The following LINGO1 variants were observed in gnomAD, a reference collection of about 807,000 sequenced individuals.
LINGO1 encodes the protein leucine-rich repeat and immunoglobulin-like domain-containing nogo receptor-interacting protein 1.
LINGO1 carries 11 observed loss-of-function variants against 37.3 expected under a neutral mutation model. The observed-to-expected ratio is 0.29, with a 90% CI of 0.19 to 0.49. LINGO1 has a LOEUF of 0.49. LINGO1 is among the 20% of genes least tolerant of loss of function. The pLI, the probability that LINGO1 is intolerant of heterozygous loss-of-function variation, is 0.99. For missense variants in LINGO1, 585 were observed against 878.2 expected, an observed-to-expected ratio of 0.67 and a Z score of 4.22; for synonymous variants, 387 against 403.0, an observed-to-expected ratio of 0.96 and a Z score of 0.48.
At chr15:77,784,156 G>T (rs1219769387) in intron 1 of LINGO1, among the ~76,000 whole-genome samples, 3 of 152,262 alleles carry the variant, frequency 2.0e-5, no homozygotes, top group African/African-American at 7.2e-5. Flanking sequence ...GGACTGGCAG[G>T]CCGGGGTCTC....
chr15:77,697,745 G>C (rs1296046546), upstream of LINGO1, among the ~76,000 whole-genome samples: 1 of 152,156 alleles, frequency 6.6e-6, no homozygotes, highest in African/African-American at 2.4e-5. Flanking sequence ...CAGGGTAGTG[G>C]GCATCTGATC....
intron 1 of LINGO1, among the ~76,000 whole-genome samples, chr15:77,629,715 A>C (rs1386703324): frequency 6.6e-6 from 1 of 152,180 alleles, no homozygotes; most frequent in East Asian, 1.9e-4. Flanking sequence ...GCCAGGCAGG[A>C]GGGCAAAAGG....
At chr15:77,675,715 T>C (rs2075316132) in intron 3 of LINGO1, among the ~76,000 whole-genome samples, 1 of 152,036 alleles carries the variant, frequency 6.6e-6, no homozygotes, top group South Asian at 2.1e-4. Context: ...GATAGATAGA[T>C]ACATACATAG....
chr15:77,635,234 T>C (rs1466455151), upstream of LINGO1, among the ~76,000 whole-genome samples: 3 of 152,126 alleles, frequency 2.0e-5, no homozygotes, highest in Non-Finnish European at 4.4e-5. Flanking sequence ...CCCTTTCCCT[T>C]TGTCTCCAAA....
chr15:77,765,320 C>T (rs989294567), intron 1 of LINGO1, among the ~76,000 whole-genome samples: 1 of 151,792 alleles, frequency 6.6e-6, no homozygotes, highest in Admixed American at 6.6e-5. Flanking sequence ...GAGGCTGAGA[C>T]ATGAGAATCG....
chr15:77,628,751 C>G (rs1019477216), intron 1 of LINGO1, among the ~76,000 whole-genome samples: 6 of 152,086 alleles, frequency 3.9e-5, no homozygotes, highest in African/African-American at 1.4e-4. Context: ...CAGGCTGGGC[C>G]TGGATTAGTG....
At chr15:77,731,834 C>T (rs2076157200) in intron 2 of LINGO1, among the ~76,000 whole-genome samples, 1 of 152,188 alleles carries the variant, frequency 6.6e-6, no homozygotes, top group Non-Finnish European at 1.5e-5. Flanking sequence ...ACCCAGCTCC[C>T]TCCTGTCCAG....
intron 1 of LINGO1, among the ~76,000 whole-genome samples, chr15:77,811,470 C>T (rs930866447): frequency 3.9e-5 from 6 of 152,094 alleles, no homozygotes; most frequent in African/African-American, 1.4e-4. Context: ...GGGCTACATC[C>T]GCAGCCTGCC....
At chr15:77,643,157 G>T (rs1176194780) in intron 3 of LINGO1, among the ~76,000 whole-genome samples, 1 of 152,268 alleles carries the variant, frequency 6.6e-6, no homozygotes, top group Non-Finnish European at 1.5e-5. Flanking sequence ...GCTTATCAGG[G>T]TGAGGGCAGC....
intron 1 of LINGO1, among the ~76,000 whole-genome samples, chr15:77,618,015 A>T (rs1489420048): frequency 6.6e-6 from 1 of 152,162 alleles, no homozygotes; most frequent in Non-Finnish European, 1.5e-5. Flanking sequence ...TTCCACAGTC[A>T]CACACGCTCC....
intron 1 of LINGO1, among the ~76,000 whole-genome samples, chr15:77,745,660 C>T (rs547036413): frequency 4.5e-4 from 69 of 152,306 alleles, no homozygotes; most frequent in African/African-American, 1.5e-3. Flanking sequence ...GCGGACGAGA[C>T]CCTGTGCCAA....
intron 1 of LINGO1, among the ~76,000 whole-genome samples, chr15:77,802,669 A>G (rs1257032696): frequency 6.6e-6 from 1 of 152,064 alleles, no homozygotes; most frequent in Non-Finnish European, 1.5e-5. Flanking sequence ...GGAAGCAGGG[A>G]CTGCGGGAAC....
At chr15:77,645,273 G>A (rs535706234) in intron 3 of LINGO1, among the ~76,000 whole-genome samples, 1 of 152,302 alleles carries the variant, frequency 6.6e-6, no homozygotes, top group African/African-American at 2.4e-5. Context: ...CCAGCTTGTA[G>A]GGACTCCACA....
intron 1 of LINGO1, among the ~76,000 whole-genome samples, chr15:77,758,353 G>A (rs1246589629): frequency 6.6e-6 from 1 of 152,176 alleles, no homozygotes; most frequent in Non-Finnish European, 1.5e-5. Flanking sequence ...CCCAAGGCGG[G>A]CGCTCCCCAT....
Position 77,615,796 on chromosome 15 carries a change from G to A in LINGO1, c.111C>T (p.Gly37=). ...LLLVLGSVLS[G]SATGCPPRCE... ...AGCGGGGCGGGCAGCCCGTGGCCGA[G>A]CCTGACAGCACTGAGCCCAGCACCA... The change falls in exon 2 of 2, where the codon GGC becomes GGT. Residue 37 remains glycine (G), a synonymous_variant. Transcript: ENST00000355300. 6.4e-7 allele frequency: 1 copy of A among 1,565,048 alleles called. No individual in the cohort carries two copies. The highest frequency in any genetic ancestry group is 8.6e-7 in the Non-Finnish European group (1 of 1,162,876).
intron 1 of LINGO1, among the ~76,000 whole-genome samples, chr15:77,780,765 G>T (rs952650466): frequency 1.3e-5 from 2 of 152,028 alleles, no homozygotes; most frequent in African/African-American, 2.4e-5. Context: ...CATAACACTT[G>T]CTCTCCTCCC....
intron 3 of LINGO1, among the ~76,000 whole-genome samples, chr15:77,671,615 T>C (rs2075250569): frequency 6.6e-6 from 1 of 152,208 alleles, no homozygotes; most frequent in Admixed American, 6.5e-5. Flanking sequence ...CTATTCTCCC[T>C]GCCCCCATGC....
Position 77,768,587 on chromosome 15 carries a change from C to T in LINGO1, c.-257+18282G>A, listed in dbSNP as rs2076553365. Reference sequence around the variant, plus strand: ...AGGGACACTGGTGGGCAGGTTGGGACAGTGACAGAGACCTGCGTGCCTGGA... The same window carrying T: ...AGGGACACTGGTGGGCAGGTTGGGATAGTGACAGAGACCTGCGTGCCTGGA... On this transcript the variant is annotated intron_variant, in intron 1 of 3. Transcript: ENST00000561686. 2.6e-5 allele frequency among the ~76,000 whole-genome samples: 4 copies of T among 152,086 alleles called. No homozygotes were observed. In the South Asian group the frequency reaches 8.3e-4, roughly 32 times the overall value.
At chr15:77,771,370 G>A (rs2076583447) in intron 1 of LINGO1, among the ~76,000 whole-genome samples, 1 of 152,188 alleles carries the variant, frequency 6.6e-6, no homozygotes, top group Admixed American at 6.5e-5. Flanking sequence ...CAGTGATAAG[G>A]GCCAGGGCTG....
Sources: allele counts gnomAD v4.1 joint callset (sites outside exome capture counted in the v4.1 genomes callset), GRCh38; gene constraint gnomAD v4.1.1; transcripts MANE v1.5; gene names NCBI Gene and HGNC (gene_info 2026-07-23, HGNC 2026-07-21).